Variants in KCNC1 observed in about 807,000 individuals in gnomAD.
KCNC1 encodes the protein voltage-gated potassium channel KCNC1.
In KCNC1, 8 loss-of-function variants were observed where a neutral mutation model predicts 43.4. The observed-to-expected ratio is 0.18, with a 90% confidence interval of 0.11 to 0.33. The LOEUF (loss-of-function observed/expected upper bound fraction) is 0.33. KCNC1 is among the 10% of genes least tolerant of loss of function. KCNC1 has a pLI of 1.00. For synonymous variants in KCNC1, 361 were observed against 360.5 expected (o/e 1.00, Z -0.01); for missense variants, 420 against 836.0 (o/e 0.50, Z 6.14).
At chr11:17,738,811 G>A (rs1848799985) in intron 1 of KCNC1, among the ~76,000 whole-genome samples, 1 of 152,134 alleles carries the variant, frequency 6.6e-6, no homozygotes, top group African/African-American at 2.4e-5. Context: ...TGGTCGGGGT[G>A]AGGCGGTACT....
chr11:17,752,897 TGCCC>T (rs1452373450), intron 1 of KCNC1, among the ~76,000 whole-genome samples: 1 of 152,232 alleles, frequency 6.6e-6, no homozygotes, highest in East Asian at 1.9e-4. Flanking sequence ...ACCTACTGTG[TGCCC>T]AGTTCTGCAC....
Position 17,779,396 on chromosome 11 carries a change from C to T in KCNC1, c.1505-60C>T. The T allele has an allele frequency of 7.3e-7, 1 of 1,362,136 alleles. No individual in the cohort carries two copies. The highest frequency in any genetic ancestry group is 9.6e-7 in the Non-Finnish European group (1 of 1,037,614). The allele number at this position is 1,362,136 out of a possible 1,614,324, so 84.4% of individuals were successfully genotyped here. A position where few individuals can be genotyped will look rare whatever the true frequency, so the allele number is the denominator to read the frequency against. ...CAATACCCCGCTTCTGGCCTGTCCC[C>T]CCCTGCCCCCCACTAAACAGTTTTC... On this transcript the variant is annotated intron_variant, in intron 2 of 3. Transcript: ENST00000265969. This position sits in a 1 kb window ranked among gnomAD's most constrained non-coding sequence, Gnocchi z 7.2.
intron 1 of KCNC1, among the ~76,000 whole-genome samples, chr11:17,750,515 G>A (rs1255845667): frequency 6.6e-6 from 1 of 152,162 alleles, no homozygotes; most frequent in Non-Finnish European, 1.5e-5. Context: ...TCTGAGGATT[G>A]GAGTAAAAGC....
At chr11:17,759,046 G>GA (rs2133793838) in intron 1 of KCNC1, among the ~76,000 whole-genome samples, 1 of 152,334 alleles carries the variant, frequency 6.6e-6, no homozygotes, top group African/African-American at 2.4e-5. Context: ...AATCTGCATT[G>GA]AAAAATCTTT....
chr11:17,753,071 G>A (rs1469353396), intron 1 of KCNC1, among the ~76,000 whole-genome samples: 8 of 152,220 alleles, frequency 5.3e-5, no homozygotes, highest in African/African-American at 7.2e-5. Context: ...TTCACCCTCC[G>A]TTGACTTGCA....
At chr11:17,778,838 C>T (rs1055007835) in intron 2 of KCNC1, among the ~76,000 whole-genome samples, 8 of 25,638 alleles carry the variant, frequency 3.1e-4, no homozygotes, top group Admixed American at 1.1e-3. Flanking sequence ...AGGTTGGGGT[C>T]GGGGGGGTAC....
At chr11:17,775,148 GC>G (rs1565163721) in intron 2 of KCNC1, 1 of 985,444 alleles carries the variant, frequency 1.0e-6, no homozygotes, top group Non-Finnish European at 1.2e-6. Flanking sequence ...ATGAGATGCA[GC>G]CCCCCAAGGC....
At position 17,742,229 on chromosome 11, in the gene KCNC1, C is replaced by T. The variant is rs1848851409; in HGVS notation, c.570+5657C>T. Among the ~76,000 whole-genome samples the T allele has an allele frequency of 6.6e-6, 1 of 151,974 alleles. No homozygotes were observed. The highest frequency in any genetic ancestry group is 1.5e-5 in the Non-Finnish European group (1 of 68,020). The stretch of plus-strand genomic sequence containing the variant: ...CACATCGCCTCAGAGCATTTGGAGT[C>T]TGTGCTCCTTGACTCTGAGCAGGAG... On this transcript the variant is annotated intron_variant, in intron 1 of 3. Coordinates refer to ENST00000265969, the MANE Select transcript of KCNC1 (RefSeq NM_001112741.2). This position sits in a 1 kb window ranked among gnomAD's most constrained non-coding sequence, Gnocchi z 4.2.
At chr11:17,763,149 T>C (rs1016003695) in intron 1 of KCNC1, among the ~76,000 whole-genome samples, 1 of 152,126 alleles carries the variant, frequency 6.6e-6, no homozygotes, top group African/African-American at 2.4e-5. Context: ...GTTGTCTCTT[T>C]GGACGTCTGC....
chr11:17,771,931 C>T lies in KCNC1; in HGVS notation c.837C>T (p.Asn279=). ...TAGAGTTCATCAAGAACTCGCTCAA[C>T]ATCATTGACTTTGTGGCCATCCTGC... The part of the protein sequence containing the change: ...NKVEFIKNSL[N]IIDFVAILPF... The change falls in exon 2 of 4, where the codon AAC becomes AAT. Residue 279 remains asparagine, a synonymous_variant. Coordinates refer to ENST00000265969, the MANE Select transcript of KCNC1 (RefSeq NM_001112741.2). This position sits in a 1 kb window ranked among gnomAD's most constrained non-coding sequence, Gnocchi z 4.7. 6.2e-7 allele frequency: 1 copy of T among 1,614,246 alleles called. No individual in the cohort carries two copies. Among genetic ancestry groups the T allele is most frequent in the Non-Finnish European group, 8.5e-7 (1 of 1,180,042 alleles).
chr11:17,754,292 A>T (rs1326455298), intron 1 of KCNC1, among the ~76,000 whole-genome samples: 1 of 152,232 alleles, frequency 6.6e-6, no homozygotes. Flanking sequence ...AAGATCAGTG[A>T]TCATGTCTAT....
chr11:17,774,276 C>A lies in KCNC1; in HGVS notation c.1504+1678C>A, dbSNP rs892034452. The A allele has an allele frequency of 5.1e-6, 5 of 985,386 alleles. No individual in the cohort carries two copies. In the African/African-American group the frequency reaches 8.7e-5, roughly 17 times the overall value. The allele number at this position is 985,386 out of a possible 1,614,324, so 61.0% of individuals were successfully genotyped here. On this transcript the variant is annotated intron_variant, in intron 2 of 3. Transcript: ENST00000265969. ...GGGCTCTGGGCCTCTAGGAGGAACGCGTGGGCTGGCCCAGGCCCCAGCTTC... is the reference window on the plus strand; with the variant it reads ...GGGCTCTGGGCCTCTAGGAGGAACGAGTGGGCTGGCCCAGGCCCCAGCTTC...
intron 1 of KCNC1, among the ~76,000 whole-genome samples, chr11:17,744,064 G>A (rs1327570252): frequency 6.6e-6 from 1 of 152,154 alleles, no homozygotes; most frequent in Non-Finnish European, 1.5e-5. Context: ...CCAGGTTGTA[G>A]GCATCAGACA....
At chr11:17,758,367 A>G (rs1276923773) in intron 1 of KCNC1, among the ~76,000 whole-genome samples, 1 of 152,222 alleles carries the variant, frequency 6.6e-6, no homozygotes, top group Non-Finnish European at 1.5e-5. Context: ...AAAGTCATTC[A>G]CGAGAATTGG....
intron 1 of KCNC1, among the ~76,000 whole-genome samples, chr11:17,750,218 C>T (rs1025120445): frequency 1.9e-4 from 29 of 152,168 alleles, no homozygotes; most frequent in Admixed American, 3.9e-4. Context: ...GGGAGACACT[C>T]GCCAAGGGCT....
Position 17,736,667 on chromosome 11 carries a change from G to A in KCNC1, c.570+95G>A, listed in dbSNP as rs1250952111. ...GGTGGACCGGAGAACTGGCGCCTAG[G>A]GAGTTCAGAATCGAAAGGGGGTGTG... On this transcript the variant is annotated intron_variant, in intron 1 of 3. Transcript: ENST00000265969. This position sits in a 1 kb window ranked among gnomAD's most constrained non-coding sequence, Gnocchi z 9.3. 2 of 1,438,146 alleles carry A rather than the reference G, an allele frequency of 1.4e-6. No homozygotes were observed. The highest frequency in any genetic ancestry group is 1.8e-6 in the Non-Finnish European group (2 of 1,102,176). 89.1% of individuals were successfully genotyped at this position (1,438,146 alleles called of 1,614,324 possible).
intron 1 of KCNC1, among the ~76,000 whole-genome samples, chr11:17,748,155 C>T (rs1480372604): frequency 2.0e-5 from 3 of 152,256 alleles, no homozygotes; most frequent in South Asian, 4.1e-4. Flanking sequence ...GAGCCCAGGG[C>T]GCACTGGAGT....
chr11:17,774,846 T>C, intron 2 of KCNC1: 1 of 985,372 alleles, frequency 1.0e-6, no homozygotes, highest in Non-Finnish European at 1.2e-6. Flanking sequence ...CCGGTGGTGT[T>C]GGTGCTGTCC....
Position 17,776,083 on chromosome 11 carries a change from T to G in KCNC1, c.1505-3373T>G, listed in dbSNP as rs1456164593. 4.1e-6 allele frequency: 4 copies of G among 985,022 alleles called. No individual in the cohort carries two copies. Among genetic ancestry groups the G allele is most frequent in the Non-Finnish European group, 4.8e-6 (4 of 829,886 alleles). 61.0% of individuals were successfully genotyped at this position (985,022 alleles called of 1,614,324 possible). A position where few individuals can be genotyped will look rare whatever the true frequency, so the allele number is the denominator to read the frequency against. On this transcript the variant is annotated intron_variant, in intron 2 of 3. Coordinates refer to ENST00000265969, the MANE Select transcript of KCNC1 (RefSeq NM_001112741.2). This position sits in a 1 kb window ranked among gnomAD's most constrained non-coding sequence, Gnocchi z 4.4. Reference sequence around the variant, plus strand: ...GGGTCAGCAGCCTGTGGGCCCTGAGTGGGGTCTTTGTTGTCCTCAGGTGGG... The same window carrying G: ...GGGTCAGCAGCCTGTGGGCCCTGAGGGGGGTCTTTGTTGTCCTCAGGTGGG...
Sources: allele counts gnomAD v4.1 joint callset (sites outside exome capture counted in the v4.1 genomes callset), GRCh38; gene constraint gnomAD v4.1.1; non-coding constraint Gnocchi (gnomAD v3.1); transcripts MANE v1.5; gene names NCBI Gene and HGNC (gene_info 2026-07-23, HGNC 2026-07-21).